SIK2: variants seen among roughly 807,000 people sequenced by gnomAD.
The protein encoded by SIK2 is serine/threonine-protein kinase SIK2.
Under a neutral mutation model 103.2 loss-of-function variants are expected in SIK2, and 29 were observed. The ratio of observed to expected loss-of-function variants is 0.28; its 90% CI spans 0.21 to 0.38. The LOEUF is 0.38. Among genes scored for constraint, SIK2 ranks in the 10% least tolerant of loss-of-function variants. The probability of loss-of-function intolerance (pLI) is 1.00; values close to 1 mark genes in which losing one functional copy is unlikely to be tolerated. For missense variants in SIK2, 879 were observed against 1,171.0 expected, an observed-to-expected ratio of 0.75 and a Z score of 3.64; for synonymous variants, 412 against 446.1, an observed-to-expected ratio of 0.92 and a Z score of 0.96.
chr11:111,677,720 C>T (rs955172802), intron 3 of SIK2, among the ~76,000 whole-genome samples: 3 of 151,744 alleles, frequency 2.0e-5, no homozygotes, highest in Non-Finnish European at 4.4e-5. Context: ...TGAGCCACCA[C>T]GCCCAGCCTA....
chr11:111,718,897 T>C (rs1943721008), intron 9 of SIK2: 1 of 152,276 alleles, frequency 6.6e-6, no homozygotes, highest in African/African-American at 2.4e-5. Context: ...CAGGGGCCTT[T>C]ACCAGCCAGA....
At chr11:111,670,072 T>A (rs1427889151) in intron 3 of SIK2, among the ~76,000 whole-genome samples, 1 of 152,222 alleles carries the variant, frequency 6.6e-6, no homozygotes, top group Non-Finnish European at 1.5e-5. Context: ...CTCCTCCGAC[T>A]ATTTTGAACT....
chr11:111,680,350 C>T (rs1183027915), intron 3 of SIK2, among the ~76,000 whole-genome samples: 1 of 151,984 alleles, frequency 6.6e-6, no homozygotes, highest in Non-Finnish European at 1.5e-5. Flanking sequence ...AAATTTATAA[C>T]TAGAATTGTG....
chr11:111,681,068 A>G (rs1174969834), intron 3 of SIK2, among the ~76,000 whole-genome samples: 1 of 152,206 alleles, frequency 6.6e-6, no homozygotes, highest in Non-Finnish European at 1.5e-5. Context: ...AGTGGCAGAA[A>G]GAAAATCTGT....
chr11:111,612,878 C>G (rs969521528), intron 1 of SIK2, among the ~76,000 whole-genome samples: 3 of 143,552 alleles, frequency 2.1e-5, no homozygotes, highest in Non-Finnish European at 4.5e-5. Context: ...GCATAATCCT[C>G]TCCTGTAATA....
chr11:111,620,944 G>C (rs959333095), intron 3 of SIK2, among the ~76,000 whole-genome samples: 1 of 151,932 alleles, frequency 6.6e-6, no homozygotes, highest in South Asian at 2.1e-4. Flanking sequence ...TGATTCATTC[G>C]AACTTTAAAA....
chr11:111,607,260 T>C (rs76804424), intron 1 of SIK2, among the ~76,000 whole-genome samples: 3,238 of 152,288 alleles, frequency 0.021, 114 homozygotes, highest in African/African-American at 0.072. Flanking sequence ...TTTTGAAAAC[T>C]GTATTTGTTT....
chr11:111,664,886 G>C (rs1942514959), intron 3 of SIK2, among the ~76,000 whole-genome samples: 1 of 152,070 alleles, frequency 6.6e-6, no homozygotes, highest in South Asian at 2.1e-4. Flanking sequence ...CTATTAGCTT[G>C]GGAGCTTGGG....
chr11:111,692,963 A>G (rs933125084), intron 4 of SIK2, among the ~76,000 whole-genome samples: 1 of 152,202 alleles, frequency 6.6e-6, no homozygotes, highest in African/African-American at 2.4e-5. Context: ...TAGAAGTATC[A>G]AACATGGTTC....
In SIK2 at chr11:111,688,218, G is replaced by A. The variant is rs1942872861; in HGVS notation, c.478+56G>A. 6.3e-7 allele frequency: 1 copy of A among 1,583,356 alleles called. No homozygotes were observed. The highest frequency in any genetic ancestry group is 8.7e-7 in the Non-Finnish European group (1 of 1,154,520). ...TCCGAAGTGAGCCACTGCACTCAGT[G>A]TGTGGAAACAGACCTGCAGGCGCAG... On this transcript the variant is annotated intron_variant, in intron 4 of 14. Coordinates refer to ENST00000304987, the MANE Select transcript of SIK2 (RefSeq NM_015191.3). The surrounding 1 kb of genome is among the most constrained non-coding windows in gnomAD (Gnocchi z 4.2).
intron 2 of SIK2, among the ~76,000 whole-genome samples, chr11:111,619,072 GA>G (rs1941847993): frequency 6.6e-6 from 1 of 152,078 alleles, no homozygotes; most frequent in Non-Finnish European, 1.5e-5. Flanking sequence ...ATACTTCTAA[GA>G]AACTAATTAT....
chr11:111,613,440 T>C (rs1184789411), intron 1 of SIK2, among the ~76,000 whole-genome samples: 1 of 152,186 alleles, frequency 6.6e-6, no homozygotes, highest in African/African-American at 2.4e-5. Flanking sequence ...AAAATATGCA[T>C]GTCCGTGAAA....
chr11:111,691,288 A>C (rs1265085928), intron 4 of SIK2, among the ~76,000 whole-genome samples: 1 of 152,196 alleles, frequency 6.6e-6, no homozygotes, highest in Non-Finnish European at 1.5e-5. Context: ...AGATTGGTGA[A>C]GTTCTCTCTG....
chr11:111,680,215 A>G (rs938566990), intron 3 of SIK2, among the ~76,000 whole-genome samples: 5 of 152,108 alleles, frequency 3.3e-5, no homozygotes, highest in Non-Finnish European at 7.4e-5. Flanking sequence ...ATAGATTTAG[A>G]TGTGAGGATT....
In SIK2 at chr11:111,727,027, T is replaced by C; in HGVS notation, c.*2898T>C. On this transcript the variant is annotated 3_prime_UTR_variant, in exon 15 of 15. Transcript: ENST00000304987. ...ATTCCCAGCTGGGCAAGTGTGTCTC[T>C]AGTATCTCCACGCAACTGATACACT... 6.2e-7 allele frequency: 1 copy of C among 1,614,200 alleles called. No homozygotes were observed. Among genetic ancestry groups the C allele is most frequent in the Non-Finnish European group, 8.5e-7 (1 of 1,180,026 alleles).
At chr11:111,712,144 A>G in intron 8 of SIK2, 67 bp from the exon 9 acceptor site, 1 of 1,439,106 alleles carries the variant, frequency 6.9e-7, no homozygotes, top group African/African-American at 1.4e-5. Context: ...TTTTATTCTT[A>G]GAACTTTGTG....
chr11:111,703,334 C>G lies in SIK2; in HGVS notation c.859C>G (p.Gln287Glu). 6.2e-7 allele frequency: 1 copy of G among 1,614,158 alleles called. No homozygotes were observed. The highest frequency in any genetic ancestry group is 2.2e-5 in the East Asian group (1 of 44,876). Residue 287 changes from glutamine (Q) to glutamate (E), a missense_variant, in exon 7 of 15, where the codon CAA (glutamine) becomes GAA (glutamate). Coordinates refer to ENST00000304987, the MANE Select transcript of SIK2 (RefSeq NM_015191.3). ...GAGACCTGTTCTCTATCCACAAGAG[C>G]AAGAAAATGAGCCATCCATCGGGGA... is the stretch of plus-strand genomic sequence containing the variant. ...VQRPVLYPQEQENEPSIGEFN... is the reference protein window; with the variant it reads ...VQRPVLYPQEEENEPSIGEFN...
chr11:111,608,999 A>G (rs1485242312), intron 1 of SIK2, among the ~76,000 whole-genome samples: 1 of 151,506 alleles, frequency 6.6e-6, no homozygotes, highest in Non-Finnish European at 1.5e-5. Flanking sequence ...TTACTTTTAA[A>G]TTTTTTTCTA....
intron 2 of SIK2, 38 bp from the exon 3 acceptor site, chr11:111,620,301 C>T: frequency 7.8e-7 from 1 of 1,279,928 alleles, no homozygotes; most frequent in Non-Finnish European, 1.1e-6. Context: ...AATTCCAGTA[C>T]ATTTCTGTCA....
Sources: allele counts gnomAD v4.1 joint callset (sites outside exome capture counted in the v4.1 genomes callset), GRCh38; gene constraint gnomAD v4.1.1; non-coding constraint Gnocchi (gnomAD v3.1); transcripts MANE v1.5; gene names NCBI Gene and HGNC (gene_info 2026-07-23, HGNC 2026-07-21).